The following NXPH1 variants were observed in gnomAD, a reference collection of about 807,000 sequenced individuals.
NXPH1 encodes neurexophilin-1.
A neutral mutation model predicts 23.7 loss-of-function variants in NXPH1; 5 were observed. That is an observed-to-expected ratio of 0.21 (90% CI 0.11 to 0.44). The LOEUF (loss-of-function observed/expected upper bound fraction) is 0.44, where lower values mean the gene tolerates loss of function less well. Ranked by LOEUF, NXPH1 falls within the 20% of genes least tolerant of loss-of-function variation. The probability of loss-of-function intolerance (pLI) is 0.99; values close to 1 mark genes in which losing one functional copy is unlikely to be tolerated. For missense variants in NXPH1, 324 were observed against 321.6 expected, an observed-to-expected ratio of 1.01 and a Z score of -0.06; for synonymous variants, 144 against 122.2, an observed-to-expected ratio of 1.18 and a Z score of -1.18.
intron 2 of NXPH1, among the ~76,000 whole-genome samples, chr7:8,731,695 C>A (rs186554123): frequency 6.6e-6 from 1 of 152,154 alleles, no homozygotes; most frequent in South Asian, 2.1e-4. Flanking sequence ...GAAGTCTGCC[C>A]GTTCTCAGAT....
intron 2 of NXPH1, among the ~76,000 whole-genome samples, chr7:8,604,769 A>AT (rs1471218172): frequency 4.6e-5 from 7 of 152,180 alleles, no homozygotes; most frequent in Non-Finnish European, 1.0e-4. Flanking sequence ...ATAAACAAAT[A>AT]CCAGTTTTGA....
chr7:8,685,325 T>C (rs1358928027), intron 2 of NXPH1, among the ~76,000 whole-genome samples: 4 of 152,054 alleles, frequency 2.6e-5, no homozygotes, highest in Admixed American at 2.0e-4. Flanking sequence ...TTTTGACTTT[T>C]AGATCCCACA....
At chr7:8,533,434 T>C (rs545299549) in intron 2 of NXPH1, among the ~76,000 whole-genome samples, 1 of 152,146 alleles carries the variant, frequency 6.6e-6, no homozygotes, top group East Asian at 1.9e-4. Flanking sequence ...ATATTCTGTC[T>C]CCCTCCCCTA....
chr7:8,709,761 T>C (rs1210223896), intron 2 of NXPH1, among the ~76,000 whole-genome samples: 2 of 152,230 alleles, frequency 1.3e-5, no homozygotes, highest in African/African-American at 2.4e-5. Flanking sequence ...TTCTAGTCCT[T>C]TTTTAAAACC....
At chr7:8,578,541 T>G (rs1818797104) in intron 2 of NXPH1, among the ~76,000 whole-genome samples, 1 of 152,202 alleles carries the variant, frequency 6.6e-6, no homozygotes, top group Admixed American at 6.5e-5. Context: ...ACCAAGTACT[T>G]TCATACAATA....
Position 8,710,829 on chromosome 7 carries a change from A to AT in NXPH1, c.55-40173dup, listed in dbSNP as rs578150371. Among the ~76,000 whole-genome samples, 261 of 133,416 alleles carry AT rather than the reference A, an allele frequency of 2.0e-3. 26 individuals carry two copies. In the East Asian group the frequency reaches 0.051, roughly 26 times the overall value. 87.5% of individuals were successfully genotyped at this position (133,416 alleles called of 152,430 possible). A position where few individuals can be genotyped will look rare whatever the true frequency, so the allele number is the denominator to read the frequency against. ...AGGCGCCCGCCACCGCGCCCGGCTA[A>AT]TTTTTTGTATTTTTAGTAGAGACGG... On this transcript the variant is annotated intron_variant, in intron 2 of 2. Coordinates refer to ENST00000405863, the MANE Select transcript of NXPH1 (RefSeq NM_152745.3).
chr7:8,484,252 A>G (rs1426855543), intron 2 of NXPH1, among the ~76,000 whole-genome samples: 1 of 152,034 alleles, frequency 6.6e-6, no homozygotes, highest in Non-Finnish European at 1.5e-5. Flanking sequence ...CAGAAACCTC[A>G]TATTTTGGGC....
At chr7:8,528,213 G>A (rs1173772057) in intron 2 of NXPH1, among the ~76,000 whole-genome samples, 1 of 152,216 alleles carries the variant, frequency 6.6e-6, no homozygotes, top group Non-Finnish European at 1.5e-5. Context: ...CCCCTGAAGG[G>A]CAAGCTTTGG....
intron 2 of NXPH1, among the ~76,000 whole-genome samples, chr7:8,561,166 C>T (rs549057283): frequency 6.6e-6 from 1 of 151,712 alleles, no homozygotes; most frequent in African/African-American, 2.4e-5. Context: ...ATACTTGTAA[C>T]TCAATGCTTC....
At chr7:8,444,791 CTCCT>C in intron 2 of NXPH1, among the ~76,000 whole-genome samples, 1 of 152,340 alleles carries the variant, frequency 6.6e-6, no homozygotes, top group East Asian at 1.9e-4. Flanking sequence ...AACCTAACTC[CTCCT>C]TCATTGCAGT....
chr7:8,552,426 T>A, intron 2 of NXPH1, among the ~76,000 whole-genome samples: 1 of 151,430 alleles, frequency 6.6e-6, no homozygotes, highest in Non-Finnish European at 1.5e-5. Flanking sequence ...GAGAACATAA[T>A]TTTCTTCCAT....
intron 2 of NXPH1, among the ~76,000 whole-genome samples, chr7:8,513,663 A>G (rs1429414234): frequency 6.6e-6 from 1 of 152,032 alleles, no homozygotes. Context: ...ACATTTGGAG[A>G]TGTGATTAGA....
intron 2 of NXPH1, among the ~76,000 whole-genome samples, chr7:8,523,960 T>G (rs1817818440): frequency 6.6e-6 from 1 of 152,038 alleles, no homozygotes; most frequent in Admixed American, 6.6e-5. Flanking sequence ...GAAAGCTATC[T>G]TCAGCCGGGC....
intron 2 of NXPH1, among the ~76,000 whole-genome samples, chr7:8,661,379 C>A (rs2189624): frequency 0.73 from 110,990 of 152,032 alleles, 40,957 homozygotes; most frequent in East Asian, 1. Flanking sequence ...ACTCAGACTT[C>A]TCAAAATAGT....
chr7:8,468,563 T>C, intron 2 of NXPH1, among the ~76,000 whole-genome samples: 1 of 152,124 alleles, frequency 6.6e-6, no homozygotes, highest in African/African-American at 2.4e-5. Context: ...GCTATCTTAT[T>C]TTTCATCAAT....
chr7:8,552,425 A>G (rs1818293845), intron 2 of NXPH1, among the ~76,000 whole-genome samples: 1 of 151,362 alleles, frequency 6.6e-6, no homozygotes, highest in African/African-American at 2.4e-5. Flanking sequence ...GGAGAACATA[A>G]TTTTCTTCCA....
intron 2 of NXPH1, among the ~76,000 whole-genome samples, chr7:8,744,463 G>A (rs533559178): frequency 6.6e-6 from 1 of 152,256 alleles, no homozygotes; most frequent in South Asian, 2.1e-4. Flanking sequence ...TACCACTTCT[G>A]ATGATCAACT....
chr7:8,489,443 T>C (rs1267109331), intron 2 of NXPH1, among the ~76,000 whole-genome samples: 1 of 152,060 alleles, frequency 6.6e-6, no homozygotes, highest in Non-Finnish European at 1.5e-5. Flanking sequence ...ATGTGCCAGG[T>C]ACTTCACTTG....
intron 2 of NXPH1, among the ~76,000 whole-genome samples, chr7:8,556,724 T>C (rs568822233): frequency 1.1e-4 from 17 of 151,772 alleles, no homozygotes; most frequent in Non-Finnish European, 1.9e-4. Flanking sequence ...CTGCTATATA[T>C]TGTGTTACTG....
Sources: allele counts gnomAD v4.1 joint callset (sites outside exome capture counted in the v4.1 genomes callset), GRCh38; gene constraint gnomAD v4.1.1; transcripts MANE v1.5; gene names NCBI Gene and HGNC (gene_info 2026-07-23, HGNC 2026-07-21).